The following TTLL11 variants were observed in gnomAD, a reference collection of about 807,000 sequenced individuals.
The protein encoded by TTLL11 is tubulin polyglutamylase TTLL11.
Under a neutral mutation model 51.7 loss-of-function variants are expected in TTLL11, and 42 were observed. The ratio of observed to expected loss-of-function variants is 0.81; its 90% CI spans 0.64 to 1.05. TTLL11 has a LOEUF of 1.05. TTLL11 is among the 50% of genes least tolerant of loss of function. The pLI, the probability that TTLL11 is intolerant of heterozygous loss-of-function variation, is 0.00. For synonymous variants in TTLL11, 381 were observed against 383.5 expected (o/e 0.99, Z 0.08); for missense variants, 799 against 940.4 (o/e 0.85, Z 1.97).
At chr9:121,902,833 T>G (rs1190677288) in intron 6 of TTLL11, among the ~76,000 whole-genome samples, 4 of 152,154 alleles carry the variant, frequency 2.6e-5, no homozygotes, top group African/African-American at 9.7e-5. Flanking sequence ...TAGTTCGTCA[T>G]TGTAACACGT....
chr9:121,820,043 CG>C lies in TTLL11; in HGVS notation c.*2543del, dbSNP rs1163535929. On this transcript the variant is annotated 3_prime_UTR_variant, in exon 9 of 9. Transcript: ENST00000321582. ...GTGCCCTGCGGGTGGGTGGGGCTAT[CG>C]GGGCCTTGTCTGCAGAGGAGGGGGC... is the stretch of plus-strand genomic sequence containing the variant. 6.6e-6 allele frequency among the ~76,000 whole-genome samples: 1 copy of C among 152,110 alleles called. No individual in the cohort carries two copies. Among genetic ancestry groups the C allele is most frequent in the Non-Finnish European group, 1.5e-5 (1 of 68,024 alleles).
intron 8 of TTLL11, among the ~76,000 whole-genome samples, chr9:121,854,591 G>A (rs1471935753): frequency 6.6e-6 from 1 of 152,190 alleles, no homozygotes; most frequent in Non-Finnish European, 1.5e-5. Flanking sequence ...CAGCTCAAAT[G>A]TTACCTTTGC....
At chr9:121,846,736 C>T (rs75199563) in intron 8 of TTLL11, among the ~76,000 whole-genome samples, 3,905 of 152,046 alleles carry the variant, frequency 0.026, 106 homozygotes, top group African/African-American at 0.073. Flanking sequence ...TTAAACTAGG[C>T]GAAGATTAAA....
chr9:122,084,854 C>T (rs1475690977), intron 1 of TTLL11, among the ~76,000 whole-genome samples: 1 of 152,172 alleles, frequency 6.6e-6, no homozygotes, highest in Non-Finnish European at 1.5e-5. Flanking sequence ...CTGGTGGGTA[C>T]TTTCATGTAG....
At chr9:121,970,288 G>A (rs1311652440) in intron 6 of TTLL11, among the ~76,000 whole-genome samples, 2 of 152,150 alleles carry the variant, frequency 1.3e-5, no homozygotes, top group African/African-American at 4.8e-5. Context: ...TTTTAGGCCT[G>A]CAGCTCATAT....
intron 8 of TTLL11, among the ~76,000 whole-genome samples, chr9:121,858,987 G>A (rs1011737204): frequency 2.0e-5 from 3 of 152,168 alleles, no homozygotes; most frequent in African/African-American, 2.4e-5. Context: ...AGAAGAGGGC[G>A]TGGCGTGGGT....
chr9:121,839,924 G>A (rs1482842498), intron 8 of TTLL11, among the ~76,000 whole-genome samples: 2 of 152,190 alleles, frequency 1.3e-5, no homozygotes, highest in Non-Finnish European at 2.9e-5. Flanking sequence ...ACAGGAGGCA[G>A]ATCAGTGTCA....
intron 6 of TTLL11, among the ~76,000 whole-genome samples, chr9:121,902,635 T>G (rs1386554518): frequency 6.6e-6 from 1 of 152,094 alleles, no homozygotes; most frequent in East Asian, 1.9e-4. Flanking sequence ...GACGGGTTTA[T>G]CTCACTCTCC....
intron 3 of TTLL11, among the ~76,000 whole-genome samples, chr9:122,011,333 TCTC>T (rs1344484140): frequency 6.6e-6 from 1 of 152,132 alleles, no homozygotes; most frequent in Admixed American, 6.6e-5. Flanking sequence ...CTTATTTTAT[TCTC>T]CTTATTTATA....
chr9:122,073,885 A>G (rs1184678519), intron 1 of TTLL11, among the ~76,000 whole-genome samples: 1 of 152,154 alleles, frequency 6.6e-6, no homozygotes, highest in Non-Finnish European at 1.5e-5. Context: ...TAGGGCTCTT[A>G]GCAGCCCACA....
chr9:122,026,086 T>C (rs563025231), intron 3 of TTLL11, among the ~76,000 whole-genome samples: 3 of 152,212 alleles, frequency 2.0e-5, no homozygotes, highest in African/African-American at 7.2e-5. Context: ...TGCAAAGTTA[T>C]CTTGACAGAA....
chr9:121,998,168 C>T (rs1240660170), intron 3 of TTLL11, among the ~76,000 whole-genome samples: 9 of 152,276 alleles, frequency 5.9e-5, no homozygotes, highest in Non-Finnish European at 1.0e-4. Flanking sequence ...TAGTCACAGG[C>T]GCTTCAGATC....
intron 7 of TTLL11, among the ~76,000 whole-genome samples, chr9:121,862,120 T>G (rs1462218486): frequency 6.6e-6 from 1 of 151,342 alleles, no homozygotes; most frequent in Non-Finnish European, 1.5e-5. Flanking sequence ...TCAGCATTGG[T>G]GCTCCCTGTC....
rs114410442 is a variant in TTLL11, at chr9:122,032,539, T to G, written c.560-683A>C. ...AGGGAATTGAAATGTCTCACTGTTA[T>G]AAAACATTAAAAGAATGGTGGGGGT... On this transcript the variant is annotated intron_variant, in intron 2 of 8. Coordinates refer to ENST00000321582, the MANE Select transcript of TTLL11 (RefSeq NM_001139442.2). Among the ~76,000 whole-genome samples the G allele has an allele frequency of 3.1e-3, 474 of 151,370 alleles. 5 individuals are homozygous for G. The highest frequency in any genetic ancestry group is 0.011 in the African/African-American group (457 of 41,256).
At chr9:121,991,480 C>T (rs1843111018) in intron 3 of TTLL11, among the ~76,000 whole-genome samples, 1 of 152,168 alleles carries the variant, frequency 6.6e-6, no homozygotes, top group African/African-American at 2.4e-5. Flanking sequence ...CCAAAGCATT[C>T]GTACACTTGG....
At chr9:122,040,199 G>A (rs1844811806) in intron 1 of TTLL11, among the ~76,000 whole-genome samples, 2 of 152,006 alleles carry the variant, frequency 1.3e-5, no homozygotes, top group South Asian at 4.2e-4. Flanking sequence ...GAGCAGGTGT[G>A]GGAGGGAAAG....
At chr9:121,922,036 T>C (rs181790802) in intron 6 of TTLL11, among the ~76,000 whole-genome samples, 29 of 152,330 alleles carry the variant, frequency 1.9e-4, no homozygotes, top group African/African-American at 6.7e-4. Context: ...ACCTGGCGAC[T>C]GGTCAGCACT....
At chr9:121,937,489 G>A (rs1185706695) in intron 6 of TTLL11, among the ~76,000 whole-genome samples, 1 of 152,176 alleles carries the variant, frequency 6.6e-6, no homozygotes, top group Admixed American at 6.5e-5. Flanking sequence ...TTGCTTTGCT[G>A]TGCAAGGCTT....
intron 2 of TTLL11, among the ~76,000 whole-genome samples, chr9:122,035,289 T>C (rs1324251829): frequency 6.6e-6 from 1 of 152,198 alleles, no homozygotes; most frequent in African/African-American, 2.4e-5. Context: ...TATCCCTAGA[T>C]GTCCCTATGA....
Sources: allele counts gnomAD v4.1 joint callset (sites outside exome capture counted in the v4.1 genomes callset), GRCh38; gene constraint gnomAD v4.1.1; transcripts MANE v1.5; gene names NCBI Gene and HGNC (gene_info 2026-07-23, HGNC 2026-07-21).